Variants in MYL3 observed in about 807,000 individuals in gnomAD.
MYL3 encodes the protein CMLC1.
In MYL3, 11 loss-of-function variants were observed where a neutral mutation model predicts 21.3. The ratio of observed to expected loss-of-function variants is 0.52; its 90% CI spans 0.32 to 0.85. The LOEUF (loss-of-function observed/expected upper bound fraction) is 0.85. Among genes scored for constraint, MYL3 ranks in the 40% least tolerant of loss-of-function variants. MYL3 has a pLI of 0.03. For synonymous variants in MYL3, 88 were observed against 91.6 expected (o/e 0.96, Z 0.22); for missense variants, 206 against 253.3 (o/e 0.81, Z 1.27).
In MYL3 at chr3:46,879,359, C is replaced by T. The variant is rs1173792413; in HGVS notation, c.-218+2715G>A. Among the ~76,000 whole-genome samples, 1 of 152,218 alleles carries T rather than the reference C, an allele frequency of 6.6e-6. No individual in the cohort carries two copies. The highest frequency in any genetic ancestry group is 1.5e-5 in the Non-Finnish European group (1 of 68,038). On this transcript the variant is annotated intron_variant, in intron 1 of 3. Transcript: ENST00000431168. This position sits in a 1 kb window ranked among gnomAD's most constrained non-coding sequence, Gnocchi z 4.7. ...GTTTTATCTCTCAGTCCTTCCAATC[C>T]CTCCATTAATGTTCTTTTCTCATCA...
intron 1 of MYL3, among the ~76,000 whole-genome samples, chr3:46,877,440 AAG>A (rs774959092): frequency 3.7e-4 from 56 of 152,176 alleles, no homozygotes; most frequent in Non-Finnish European, 2.4e-4. Context: ...CACAGAGACT[AAG>A]AGAGAGGCAT....
At chr3:46,863,568 G>A (rs576396011), upstream of MYL3, 30 of 657,514 alleles carry the variant, frequency 4.6e-5, no homozygotes, top group South Asian at 5.2e-4. Context: ...GGCTATTTTG[G>A]GGCCTGGGGA....
chr3:46,858,332 C>T (rs1244725084), intron 5 of MYL3, 52 bp downstream of exon 5: 1 of 1,613,870 alleles, frequency 6.2e-7, no homozygotes, highest in African/African-American at 1.3e-5. Context: ...TGGCTGGGAG[C>T]CTGGGTCCCA....
At chr3:46,873,887 C>T (rs888595227) in intron 1 of MYL3, among the ~76,000 whole-genome samples, 16 of 152,236 alleles carry the variant, frequency 1.1e-4, no homozygotes, top group Non-Finnish European at 1.8e-4. Context: ...GAGGCCTGAC[C>T]TCACTGGGCC....
At chr3:46,878,385 G>A (rs1222584547) in intron 1 of MYL3, among the ~76,000 whole-genome samples, 1 of 152,210 alleles carries the variant, frequency 6.6e-6, no homozygotes, top group Non-Finnish European at 1.5e-5. Flanking sequence ...TGAGGGCTGG[G>A]TGGAGGCACA....
intron 1 of MYL3, 131 bp downstream of exon 1, chr3:46,863,131 A>T: frequency 7.3e-7 from 1 of 1,374,460 alleles, no homozygotes; most frequent in South Asian, 1.2e-5. Context: ...GGCTTGTCTG[A>T]CCTCTGCACA....
At chr3:46,869,482 A>G (rs1702083806) in intron 1 of MYL3, among the ~76,000 whole-genome samples, 1 of 152,128 alleles carries the variant, frequency 6.6e-6, no homozygotes, top group Admixed American at 6.5e-5. Context: ...CCATTTCCCC[A>G]AGGTTTCCCC....
In MYL3 at chr3:46,859,783, T is replaced by C; in HGVS notation, c.308-135A>G. The C allele has an allele frequency of 9.4e-7, 1 of 1,060,222 alleles. No homozygotes were observed. The highest frequency in any genetic ancestry group is 1.4e-6 in the Non-Finnish European group (1 of 692,748). The allele number at this position is 1,060,222 out of a possible 1,614,324, so 65.7% of individuals were successfully genotyped here. A position where few individuals can be genotyped will look rare whatever the true frequency, so the allele number is the denominator to read the frequency against. On this transcript the variant is annotated intron_variant, in intron 3 of 6. Transcript: ENST00000292327. This position sits in a 1 kb window ranked among gnomAD's most constrained non-coding sequence, Gnocchi z 4.1. ...GTCTACACCAGTTCTCACAGCAGTC[T>C]ACACCAGTTTGCCATTTAAAAGCAA...
At chr3:46,881,467 A>G (rs1349823440) in intron 1 of MYL3, among the ~76,000 whole-genome samples, 5 of 151,976 alleles carry the variant, frequency 3.3e-5, no homozygotes, top group Admixed American at 1.3e-4. Context: ...AGGGAGGTGA[A>G]GCCTGAGAGT....
chr3:46,876,372 T>C (rs964441407), intron 1 of MYL3, among the ~76,000 whole-genome samples: 1 of 152,126 alleles, frequency 6.6e-6, no homozygotes, highest in Non-Finnish European at 1.5e-5. Context: ...GAACTCTCCC[T>C]CCTTTGGGCA....
At chr3:46,863,666 G>A (rs948659539), upstream of MYL3, among the ~76,000 whole-genome samples, 4 of 151,948 alleles carry the variant, frequency 2.6e-5, no homozygotes, top group African/African-American at 9.7e-5. Context: ...GGAGAGAGGG[G>A]GACAAAGGCC....
chr3:46,859,238 G>T lies in MYL3; in HGVS notation c.481+237C>A, dbSNP rs574430406. On this transcript the variant is annotated intron_variant, in intron 4 of 6. Transcript: ENST00000292327. This position sits in a 1 kb window ranked among gnomAD's most constrained non-coding sequence, Gnocchi z 4.1. ...GGGAAGGAGGGGAGCATATCAAGAC[G>T]GCTCCTTCCTGCCCTGCTCTGTCCC... Among the ~76,000 whole-genome samples the T allele has an allele frequency of 6.6e-6, 1 of 152,086 alleles. No homozygotes were observed. Among genetic ancestry groups the T allele is most frequent in the Non-Finnish European group, 1.5e-5 (1 of 68,016 alleles).
At position 46,861,033 on chromosome 3, in the gene MYL3, G is replaced by T. The variant is rs376626859; in HGVS notation, c.130-46C>A. 4 of 1,610,758 alleles carry T rather than the reference G, an allele frequency of 2.5e-6. No homozygotes were observed. The highest frequency in any genetic ancestry group is 1.7e-5 in the Admixed American group (1 of 59,974). On this transcript the variant is annotated intron_variant, in intron 1 of 6. Transcript: ENST00000292327. This position sits in a 1 kb window ranked among gnomAD's most constrained non-coding sequence, Gnocchi z 4.2. ...CTCAGATGCCCGGCTTAAAAGGTGG[G>T]GCCACACCTCCTCCTGGGCACTCGG...
rs1455868992 is a variant in MYL3, at chr3:46,881,633, C to A, written c.-218+441G>T. 7.9e-5 allele frequency among the ~76,000 whole-genome samples: 12 copies of A among 152,114 alleles called. No individual in the cohort carries two copies. In the South Asian group the frequency reaches 1.7e-3, roughly 21 times the overall value. ...AGGGAGGGAGCGGGATGTGTGGCTG[C>A]AGACCTGGGCGGGGGTCGGGGCTGG... On this transcript the variant is annotated intron_variant, in intron 1 of 3. Transcript: ENST00000431168.
chr3:46,876,356 A>G (rs1310112321), intron 1 of MYL3, among the ~76,000 whole-genome samples: 1 of 152,218 alleles, frequency 6.6e-6, no homozygotes, highest in Non-Finnish European at 1.5e-5. Flanking sequence ...TTGACAGAGC[A>G]CAGGGGAACT....
intron 4 of MYL3, among the ~76,000 whole-genome samples, chr3:46,858,936 GAC>G (rs1394116458): frequency 6.6e-6 from 1 of 152,054 alleles, no homozygotes; most frequent in African/African-American, 2.4e-5. Flanking sequence ...CCCACCTTTA[GAC>G]ACACATGCAC....
At chr3:46,867,280 C>T (rs1439451748), upstream of MYL3, among the ~76,000 whole-genome samples, 2 of 152,100 alleles carry the variant, frequency 1.3e-5, no homozygotes, top group African/African-American at 4.8e-5. Flanking sequence ...ACTCTAAACC[C>T]AGACTTCCAG....
At chr3:46,881,898 G>C (rs946451083) in intron 1 of MYL3, among the ~76,000 whole-genome samples, 1 of 152,156 alleles carries the variant, frequency 6.6e-6, no homozygotes, top group Non-Finnish European at 1.5e-5. Flanking sequence ...CATGATGAAA[G>C]AGGGCTCGCT....
intron 1 of MYL3, among the ~76,000 whole-genome samples, chr3:46,869,854 A>G (rs1387175068): frequency 2.6e-5 from 4 of 152,178 alleles, no homozygotes; most frequent in Admixed American, 6.5e-5. Context: ...CAGTCAGACG[A>G]GGAGTCTGAA....
Sources: gnomAD v4.1 joint callset for allele counts (sites outside exome capture counted in the v4.1 genomes callset) on GRCh38, gnomAD v4.1.1 for gene constraint, Gnocchi (gnomAD v3.1) non-coding constraint, MANE v1.5 for transcripts, NCBI Gene and HGNC (gene_info 2026-07-23, HGNC 2026-07-21) for gene names.